The following ADGRB3 variants were observed in gnomAD, a reference collection of about 807,000 sequenced individuals.
ADGRB3 encodes adhesion G protein-coupled receptor B3, also known as brain-specific angiogenesis inhibitor 3.
A neutral mutation model predicts 193.4 loss-of-function variants in ADGRB3; 37 were observed. The observed-to-expected ratio is 0.19, with a 90% CI of 0.15 to 0.25. The LOEUF (loss-of-function observed/expected upper bound fraction) is 0.25. ADGRB3 is among the 10% of genes least tolerant of loss of function. The pLI, the probability that ADGRB3 is intolerant of heterozygous loss-of-function variation, is 1.00. For missense variants in ADGRB3, 1,637 were observed against 1,852.9 expected (o/e 0.88, Z 2.14); for synonymous variants, 690 against 644.2 (o/e 1.07, Z -1.08).
chr6:68,928,986 G>A (rs1390999939), intron 3 of ADGRB3, among the ~76,000 whole-genome samples: 1 of 152,022 alleles, frequency 6.6e-6, no homozygotes, highest in Non-Finnish European at 1.5e-5. Context: ...TTCCTAAATT[G>A]TTCATTTTCA....
At chr6:68,690,394 A>G (rs975642559) in intron 3 of ADGRB3, among the ~76,000 whole-genome samples, 13 of 152,114 alleles carry the variant, frequency 8.5e-5, no homozygotes, top group African/African-American at 2.9e-4. Context: ...TCCCCCTTTC[A>G]AAATTTGTCA....
At chr6:69,040,506 TCAC>T (rs1226785726) in intron 13 of ADGRB3, among the ~76,000 whole-genome samples, 7 of 151,192 alleles carry the variant, frequency 4.6e-5, no homozygotes, top group Non-Finnish European at 8.8e-5. Context: ...GGCTCTGGAT[TCAC>T]CCTGTATACC....
rs1195676351 is a variant in ADGRB3, at chr6:68,993,262, G to T, written c.1735-506G>T. Among the ~76,000 whole-genome samples the T allele has an allele frequency of 3.3e-5, 5 of 151,984 alleles. No individual in the cohort carries two copies. The East Asian group carries it at 9.7e-4, about 29-fold the overall frequency. On this transcript the variant is annotated intron_variant, in intron 10 of 31. Transcript: ENST00000370598. Reference sequence around the variant, plus strand: ...TCATAGTAAATCTCCAAAGTTTAAAGATATTTTAAGTAAATTTGTGCTGCT... The same window carrying T: ...TCATAGTAAATCTCCAAAGTTTAAATATATTTTAAGTAAATTTGTGCTGCT...
At position 69,192,209 on chromosome 6, in the gene ADGRB3, G is replaced by A. The variant is rs79456694; in HGVS notation, c.2481-41081G>A. Among the ~76,000 whole-genome samples the A allele has an allele frequency of 5.1e-3, 775 of 152,244 alleles. 4 individuals are homozygous for A. The highest frequency in any genetic ancestry group is 8.0e-3 in the Non-Finnish European group (544 of 68,008). The stretch of plus-strand genomic sequence containing the variant: ...CAGTTGGAGATCCGAAACCTCAAAG[G>A]TAAGAAAGCCAACAGTGCAGCCTTC... On this transcript the variant is annotated intron_variant, in intron 17 of 31. Transcript: ENST00000370598.
intron 3 of ADGRB3, among the ~76,000 whole-genome samples, chr6:68,665,038 C>A (rs548024180): frequency 6.6e-6 from 1 of 151,924 alleles, no homozygotes; most frequent in East Asian, 2.0e-4. Flanking sequence ...TCTCTCCCCT[C>A]CCACCTTCAC....
chr6:69,331,914 G>T, intron 23 of ADGRB3: 1 of 985,298 alleles, frequency 1.0e-6, no homozygotes, highest in African/African-American at 1.7e-5. Context: ...TATCTTGTCA[G>T]GAAACTATGA....
intron 29 of ADGRB3, among the ~76,000 whole-genome samples, chr6:69,370,415 C>G (rs140405038): frequency 6.6e-6 from 1 of 152,088 alleles, no homozygotes; most frequent in South Asian, 2.1e-4. Flanking sequence ...CACTCCAAAT[C>G]CCACCACCAT....
chr6:69,092,249 C>T (rs1019618049), intron 17 of ADGRB3, among the ~76,000 whole-genome samples: 7 of 152,266 alleles, frequency 4.6e-5, no homozygotes, highest in African/African-American at 1.7e-4. Context: ...AATGTCTTGC[C>T]TAAAGGAGTA....
chr6:69,085,713 G>A (rs947553230), intron 17 of ADGRB3, among the ~76,000 whole-genome samples: 4 of 151,590 alleles, frequency 2.6e-5, no homozygotes, highest in African/African-American at 9.7e-5. Context: ...TGCAGGTTTG[G>A]TGTTCCTCAG....
rs1009529795 is a variant in ADGRB3, at chr6:69,312,564, G to T, written c.2815-12308G>T. On this transcript the variant is annotated intron_variant, in intron 20 of 31. Transcript: ENST00000370598. ...CAGTGGTGTCATTTAGTGTAATTCA[G>T]TTGTAGTGGTTGTTTAAAAAAGGAG... Among the ~76,000 whole-genome samples the T allele has an allele frequency of 4.0e-5, 6 of 151,520 alleles. No individual in the cohort carries two copies. The East Asian group carries it at 1.2e-3, about 30-fold the overall frequency.
intron 20 of ADGRB3, among the ~76,000 whole-genome samples, chr6:69,323,021 A>G (rs1478478516): frequency 6.6e-6 from 1 of 152,016 alleles, no homozygotes. Context: ...AGTGAATACC[A>G]GGGAGATGTG....
At chr6:68,847,011 A>T (rs991222770) in intron 3 of ADGRB3, among the ~76,000 whole-genome samples, 3 of 152,116 alleles carry the variant, frequency 2.0e-5, no homozygotes, top group Non-Finnish European at 2.9e-5. Flanking sequence ...ATGGGAACCC[A>T]CCTCTTGCAT....
intron 3 of ADGRB3, among the ~76,000 whole-genome samples, chr6:68,876,072 T>C (rs984991723): frequency 2.3e-4 from 35 of 152,130 alleles, no homozygotes; most frequent in Non-Finnish European, 1.3e-4. Flanking sequence ...CTACTCTTAA[T>C]TTTAAATATA....
intron 3 of ADGRB3, among the ~76,000 whole-genome samples, chr6:68,851,670 C>A (rs525874): frequency 0.87 from 132,563 of 151,804 alleles, 58,147 homozygotes; most frequent in Middle Eastern, 0.95. Context: ...ATGTACAAGT[C>A]TTATTTGTAA....
chr6:68,783,295 T>TATATATATATATAACATACATATATATA (rs1383738822), intron 3 of ADGRB3, among the ~76,000 whole-genome samples: 3 of 146,696 alleles, frequency 2.0e-5, no homozygotes, highest in African/African-American at 7.4e-5. Context: ...TCCCTAAATA[T>TATATATATATATAACATACATATATATA]ATATATATAT....
intron 18 of ADGRB3, 108 bp from the exon 19 acceptor site, chr6:69,234,924 C>T (rs1188495481): frequency 2.5e-6 from 2 of 803,914 alleles, no homozygotes; most frequent in Non-Finnish European, 4.0e-6. Flanking sequence ...GTAACTATAA[C>T]AACTATATAG....
At chr6:68,724,109 AC>A (rs542873534) in intron 3 of ADGRB3, among the ~76,000 whole-genome samples, 62 of 151,616 alleles carry the variant, frequency 4.1e-4, no homozygotes, top group East Asian at 1.8e-3. Flanking sequence ...AAAAAAAAAA[AC>A]AACCTCAGTG....
intron 3 of ADGRB3, among the ~76,000 whole-genome samples, chr6:68,659,815 G>A (rs988598792): frequency 4.6e-5 from 7 of 150,964 alleles, no homozygotes; most frequent in African/African-American, 1.7e-4. Context: ...TTAACACCTG[G>A]AGTAATGAAA....
At chr6:69,328,522 A>G (rs1040493610) in intron 22 of ADGRB3, among the ~76,000 whole-genome samples, 12 of 152,180 alleles carry the variant, frequency 7.9e-5, no homozygotes, top group Non-Finnish European at 1.3e-4. Context: ...TTTTATCTGC[A>G]TCCAAGTTGA....
Sources: gnomAD v4.1 joint callset for allele counts (sites outside exome capture counted in the v4.1 genomes callset) on GRCh38, gnomAD v4.1.1 for gene constraint, MANE v1.5 for transcripts, NCBI Gene and HGNC (gene_info 2026-07-23, HGNC 2026-07-21) for gene names.